The following ASIC2 variants were observed in gnomAD, a reference collection of about 807,000 sequenced individuals.
ASIC2 encodes the protein acid sensing ion channel subunit 2, also known as acid-sensing ion channel 2.
ASIC2 carries 25 observed loss-of-function variants against 57.3 expected under a neutral mutation model. The observed-to-expected ratio is 0.44, with a 90% CI of 0.32 to 0.61. The LOEUF (loss-of-function observed/expected upper bound fraction) is 0.61, where lower values mean the gene tolerates loss of function less well. Among genes scored for constraint, ASIC2 ranks in the 20% least tolerant of loss-of-function variants. The pLI is 0.06. For missense variants in ASIC2, 641 were observed against 738.1 expected (o/e 0.87, Z 1.52); for synonymous variants, 319 against 307.5 (o/e 1.04, Z -0.39).
intron 1 of ASIC2, among the ~76,000 whole-genome samples, chr17:33,937,763 C>T (rs62059919): frequency 0.14 from 21,907 of 152,146 alleles, 2,003 homozygotes; most frequent in East Asian, 0.28. Flanking sequence ...CAAAGAGCCA[C>T]GGATATTTAA....
At chr17:34,040,150 GGCCTCCT>G (rs1219551649) in intron 1 of ASIC2, among the ~76,000 whole-genome samples, 394 of 81,598 alleles carry the variant, frequency 4.8e-3, no homozygotes, top group African/African-American at 0.012. Context: ...CCACGGGACC[GGCCTCCT>G]GGCGCCGGAC....
At chr17:34,089,618 A>G (rs1910249656) in intron 1 of ASIC2, among the ~76,000 whole-genome samples, 1 of 152,130 alleles carries the variant, frequency 6.6e-6, no homozygotes, top group South Asian at 2.1e-4. Context: ...TGTACCTTAA[A>G]ATATACTTCC....
intron 1 of ASIC2, chr17:33,793,878 G>A (rs1157045155): frequency 6.6e-6 from 1 of 152,168 alleles, no homozygotes; most frequent in Non-Finnish European, 1.5e-5. Flanking sequence ...AATGTTAATG[G>A]CTATTATCTC....
intron 1 of ASIC2, among the ~76,000 whole-genome samples, chr17:34,131,590 T>C (rs1475690734): frequency 6.6e-6 from 1 of 152,154 alleles, no homozygotes. Flanking sequence ...CAACCATTCC[T>C]GGGGGGAAGC....
upstream of ASIC2, among the ~76,000 whole-genome samples, chr17:33,296,051 C>T (rs1049326115): frequency 1.3e-5 from 2 of 152,170 alleles, no homozygotes; most frequent in East Asian, 1.9e-4. Context: ...TAACTCATTT[C>T]AAAGTGCAGG....
intron 1 of ASIC2, among the ~76,000 whole-genome samples, chr17:33,341,250 CA>C (rs1383134633): frequency 6.6e-6 from 1 of 152,166 alleles, no homozygotes; most frequent in African/African-American, 2.4e-5. Flanking sequence ...CTGGAATCTG[CA>C]TGTTTAACAT....
At position 33,239,921 on chromosome 17, in the gene ASIC2, G is replaced by C. The variant is rs571503681; in HGVS notation, c.708+51487C>G. Among the ~76,000 whole-genome samples the C allele has an allele frequency of 7.6e-4, 116 of 152,294 alleles. 1 individual carries two copies. Among genetic ancestry groups the C allele is most frequent in the Non-Finnish European group, 1.1e-3 (77 of 68,020 alleles). The stretch of plus-strand genomic sequence containing the variant: ...GCCCTGACTTCCCAAGACTAGGTTA[G>C]GCCTCCCTTATCCTTACTTCCCCCC... On this transcript the variant is annotated intron_variant, in intron 1 of 9. Coordinates refer to ENST00000225823, the MANE Select transcript of ASIC2 (RefSeq NM_183377.2).
chr17:33,103,067 G>A (rs935922887), intron 2 of ASIC2, among the ~76,000 whole-genome samples: 2 of 152,204 alleles, frequency 1.3e-5, no homozygotes, highest in African/African-American at 4.8e-5. Flanking sequence ...ACAGGCCTGA[G>A]CCACAGCACC....
At chr17:34,055,069 A>G (rs1908715282) in intron 1 of ASIC2, among the ~76,000 whole-genome samples, 1 of 152,210 alleles carries the variant, frequency 6.6e-6, no homozygotes, top group Non-Finnish European at 1.5e-5. Context: ...CAGTGGGACT[A>G]AAGGACAGGA....
chr17:33,417,343 G>T (rs1447604073), intron 1 of ASIC2, among the ~76,000 whole-genome samples: 1 of 152,108 alleles, frequency 6.6e-6, no homozygotes, highest in African/African-American at 2.4e-5. Flanking sequence ...GCAAAATCAA[G>T]ACTTCCTGAA....
intron 1 of ASIC2, among the ~76,000 whole-genome samples, chr17:33,860,475 G>A (rs1338231440): frequency 6.6e-6 from 1 of 152,200 alleles, no homozygotes; most frequent in African/African-American, 2.4e-5. Flanking sequence ...TTATTAAGAA[G>A]CCTGAGTGGA....
chr17:33,217,944 ACAGGTC>A (rs1331977074), intron 1 of ASIC2, among the ~76,000 whole-genome samples: 1 of 152,140 alleles, frequency 6.6e-6, no homozygotes, highest in Admixed American at 6.5e-5. Context: ...ACCCAAAATG[ACAGGTC>A]CAGCTCTGTC....
chr17:33,569,943 G>A (rs546559008), intron 1 of ASIC2, among the ~76,000 whole-genome samples: 2 of 152,064 alleles, frequency 1.3e-5, no homozygotes, highest in Admixed American at 1.3e-4. Flanking sequence ...CTTTCCCCTG[G>A]GGCAAGCTGG....
intron 1 of ASIC2, among the ~76,000 whole-genome samples, chr17:33,760,882 C>G (rs1414742645): frequency 6.6e-6 from 1 of 152,150 alleles, no homozygotes; most frequent in Non-Finnish European, 1.5e-5. Flanking sequence ...TTGCAACAAA[C>G]CTGCAGTACC....
chr17:33,964,379 T>C (rs141611600), intron 1 of ASIC2, among the ~76,000 whole-genome samples: 1 of 152,356 alleles, frequency 6.6e-6, no homozygotes, highest in Non-Finnish European at 1.5e-5. Context: ...AATCAGACAC[T>C]AGACCTCTCT....
Position 33,716,845 on chromosome 17 carries a change from G to C in ASIC2, c.555+439133C>G, listed in dbSNP as rs147366082. Among the ~76,000 whole-genome samples the C allele has an allele frequency of 7.2e-5, 11 of 152,274 alleles. No individual in the cohort carries two copies. The East Asian group carries it at 2.1e-3, about 29-fold the overall frequency. ...TCTATCTTTCCTTCTGCAACTATGA[G>C]GGCAGGAATGATGCCTCGCTCTGAC... On this transcript the variant is annotated intron_variant, in intron 1 of 9. Transcript: ENST00000359872.
At chr17:33,559,845 T>A (rs116805456) in intron 1 of ASIC2, among the ~76,000 whole-genome samples, 34,392 of 152,058 alleles carry the variant, frequency 0.23, 4,618 homozygotes, top group Non-Finnish European at 0.31. Flanking sequence ...ATATAACTAT[T>A]TTTGAGTAAG....
intron 1 of ASIC2, among the ~76,000 whole-genome samples, chr17:34,046,357 T>G (rs1908335371): frequency 6.6e-6 from 1 of 152,236 alleles, no homozygotes; most frequent in African/African-American, 2.4e-5. Flanking sequence ...GGCTGGTGAC[T>G]ATAGTTAGAG....
intron 1 of ASIC2, among the ~76,000 whole-genome samples, chr17:33,751,090 G>A (rs897916380): frequency 2.0e-5 from 3 of 152,140 alleles, no homozygotes; most frequent in African/African-American, 7.2e-5. Context: ...AGCCACCCAG[G>A]GTAGGGACGG....
Sources: gnomAD v4.1 joint callset for allele counts (sites outside exome capture counted in the v4.1 genomes callset) on GRCh38, gnomAD v4.1.1 for gene constraint, MANE v1.5 for transcripts, NCBI Gene and HGNC (gene_info 2026-07-23, HGNC 2026-07-21) for gene names.